Variants in MAGI1 observed in about 807,000 individuals in gnomAD.
MAGI1 encodes membrane associated guanylate kinase, WW and PDZ domain containing 1.
In MAGI1, 58 loss-of-function variants were observed where a neutral mutation model predicts 139.9. That is an observed-to-expected ratio of 0.41 (90% CI 0.34 to 0.52). The LOEUF is 0.52. MAGI1 is among the 20% of genes least tolerant of loss of function. The pLI is 0.12. For missense variants in MAGI1, 1,874 were observed against 1,901.6 expected (o/e 0.99, Z 0.27); for synonymous variants, 812 against 737.9 (o/e 1.10, Z -1.63).
intron 2 of MAGI1, among the ~76,000 whole-genome samples, chr3:65,555,897 G>C (rs2080062811): frequency 1.3e-5 from 2 of 152,114 alleles, no homozygotes; most frequent in Admixed American, 6.5e-5. Context: ...TTGATACAGA[G>C]CCTGATGGAA....
rs535323718 is a variant in MAGI1 at position 65,525,361 on chromosome 3, A to T, written c.431-31730T>A. On this transcript the variant is annotated intron_variant, in intron 2 of 22. Coordinates refer to ENST00000402939, the MANE Select transcript of MAGI1 (RefSeq NM_001033057.2). ...CTCTCTTCTCCTTTACAGTATTTGTAGCCAAACACATTGTCTGCTGTACTG... is the reference window on the plus strand; with the variant it reads ...CTCTCTTCTCCTTTACAGTATTTGTTGCCAAACACATTGTCTGCTGTACTG... Among the ~76,000 whole-genome samples the T allele has an allele frequency of 1.3e-4, 20 of 152,320 alleles. No homozygotes were observed. The East Asian group carries it at 3.3e-3, about 25-fold the overall frequency.
intron 1 of MAGI1, among the ~76,000 whole-genome samples, chr3:65,733,490 T>C (rs1472522563): frequency 1.3e-5 from 2 of 152,222 alleles, no homozygotes; most frequent in Non-Finnish European, 2.9e-5. Context: ...ATTTAGCCCA[T>C]CAGAGCAGAC....
chr3:65,415,966 G>A (rs34899451), intron 12 of MAGI1, among the ~76,000 whole-genome samples: 12,782 of 152,146 alleles, frequency 0.084, 589 homozygotes, highest in South Asian at 0.12. Flanking sequence ...CATGGGCAGT[G>A]CTGTTATTTT....
chr3:65,970,590 T>C (rs1277147379), intron 1 of MAGI1, among the ~76,000 whole-genome samples: 2 of 151,084 alleles, frequency 1.3e-5, no homozygotes, highest in African/African-American at 4.9e-5. Context: ...CTCACAATTC[T>C]TTACAGCATC....
chr3:65,530,664 T>TATATATAC, intron 2 of MAGI1, among the ~76,000 whole-genome samples: 1 of 131,482 alleles, frequency 7.6e-6, no homozygotes, highest in African/African-American at 3.3e-5. Flanking sequence ...TGTGTGTGTA[T>TATATATAC]ATATATATAC....
rs543977870 is a variant in MAGI1 at position 65,938,412 on chromosome 3, C to A, written c.313+99584G>T. ...AATAAAGGTCTTTAAGGACCTTTAA[C>A]AACAAGCTCTGTTCTCACTTATCTG... On this transcript the variant is annotated intron_variant, in intron 1 of 22. Transcript: ENST00000402939. Among the ~76,000 whole-genome samples the A allele has an allele frequency of 2.5e-3, 380 of 150,648 alleles. 2 individuals carry two copies. The highest frequency in any genetic ancestry group is 8.6e-3 in the African/African-American group (353 of 41,222).
intron 1 of MAGI1, among the ~76,000 whole-genome samples, chr3:65,665,101 G>A (rs1378208021): frequency 6.6e-6 from 1 of 152,152 alleles, no homozygotes; most frequent in Admixed American, 6.6e-5. Flanking sequence ...ACTGACTCAT[G>A]CTATCAATCT....
At chr3:65,441,181 G>A (rs1042752913) in intron 8 of MAGI1, among the ~76,000 whole-genome samples, 7 of 152,036 alleles carry the variant, frequency 4.6e-5, no homozygotes, top group South Asian at 2.1e-4. Flanking sequence ...GGCTGGTCTC[G>A]AACTCCTGAC....
At chr3:65,603,927 T>A (rs9829272) in intron 2 of MAGI1, among the ~76,000 whole-genome samples, 78,404 of 151,872 alleles carry the variant, frequency 0.52, 20,417 homozygotes, top group South Asian at 0.59. Context: ...AAGGATCCTA[T>A]TCCCATCCAT....
At chr3:65,417,508 A>G (rs984974951) in intron 12 of MAGI1, among the ~76,000 whole-genome samples, 10 of 132,768 alleles carry the variant, frequency 7.5e-5, no homozygotes, top group Admixed American at 2.3e-4. Flanking sequence ...GTCTGATGAT[A>G]TATGGTTTCT....
chr3:65,523,527 T>C (rs2078252029), intron 2 of MAGI1, among the ~76,000 whole-genome samples: 1 of 152,214 alleles, frequency 6.6e-6, no homozygotes, highest in Non-Finnish European at 1.5e-5. Flanking sequence ...AATGAACTTC[T>C]GTCCTGGAGT....
chr3:66,029,075 G>A (rs921908394), intron 1 of MAGI1, among the ~76,000 whole-genome samples: 54 of 152,188 alleles, frequency 3.5e-4, no homozygotes, highest in African/African-American at 1.2e-3. Flanking sequence ...CATTTTCCGA[G>A]GGGGAAACCT....
chr3:65,896,066 C>G (rs958551710), intron 1 of MAGI1, among the ~76,000 whole-genome samples: 1 of 152,076 alleles, frequency 6.6e-6, no homozygotes, highest in Non-Finnish European at 1.5e-5. Flanking sequence ...TCAATAGTAC[C>G]TAACAGCCTG....
intron 1 of MAGI1, among the ~76,000 whole-genome samples, chr3:65,743,902 T>C (rs903262655): frequency 6.6e-6 from 1 of 152,128 alleles, no homozygotes; most frequent in African/African-American, 2.4e-5. Context: ...CACATAAAGA[T>C]AATATATACT....
intron 1 of MAGI1, among the ~76,000 whole-genome samples, chr3:65,684,183 A>AG (rs1009106083): frequency 2.0e-5 from 3 of 149,876 alleles, no homozygotes; most frequent in African/African-American, 7.3e-5. Flanking sequence ...AAAAAAAAAA[A>AG]AAAGAAAAGA....
intron 1 of MAGI1, among the ~76,000 whole-genome samples, chr3:66,006,733 G>A (rs536016545): frequency 5.9e-5 from 9 of 152,258 alleles, no homozygotes; most frequent in Admixed American, 5.9e-4. Flanking sequence ...TAAAACAGGG[G>A]AATGGGATTA....
At chr3:65,888,454 T>C (rs545021657) in intron 1 of MAGI1, among the ~76,000 whole-genome samples, 7 of 152,302 alleles carry the variant, frequency 4.6e-5, no homozygotes, top group Non-Finnish European at 1.0e-4. Flanking sequence ...AGAATTCCTA[T>C]GAGGCTACGT....
chr3:65,969,451 T>A (rs1033014622), intron 1 of MAGI1, among the ~76,000 whole-genome samples: 4 of 152,198 alleles, frequency 2.6e-5, no homozygotes, highest in Non-Finnish European at 5.9e-5. Context: ...TATCTCCAGA[T>A]ATTGCCAAGT....
At chr3:65,707,705 A>C (rs868429839) in intron 1 of MAGI1, among the ~76,000 whole-genome samples, 11 of 151,938 alleles carry the variant, frequency 7.2e-5, no homozygotes, top group African/African-American at 2.2e-4. Context: ...AAAAAAAAAA[A>C]AAAAAGTTGG....
Sources: allele counts gnomAD v4.1 joint callset (sites outside exome capture counted in the v4.1 genomes callset), GRCh38; gene constraint gnomAD v4.1.1; transcripts MANE v1.5; gene names NCBI Gene and HGNC (gene_info 2026-07-23, HGNC 2026-07-21).